ATP6AP1: variants seen among roughly 807,000 people sequenced by gnomAD.
The protein encoded by ATP6AP1 is ATPase H+ transporting accessory protein 1, also known as V-type proton ATPase subunit S1.
Under a neutral mutation model 32.0 loss-of-function variants are expected in ATP6AP1, and 1 was observed. The ratio of observed to expected loss-of-function variants is 0.03; its 90% CI spans 0.01 to 0.15. ATP6AP1 has a LOEUF of 0.15. Ranked by LOEUF, ATP6AP1 falls within the 10% of genes least tolerant of loss-of-function variation. The pLI, the probability that ATP6AP1 is intolerant of heterozygous loss-of-function variation, is 1.00. For synonymous variants in ATP6AP1, 187 were observed against 174.9 expected, an observed-to-expected ratio of 1.07 and a Z score of -0.55; for missense variants, 297 against 398.8, an observed-to-expected ratio of 0.74 and a Z score of 2.17.
intron 2 of ATP6AP1, 122 bp from the exon 3 acceptor site, chrX:154,431,708 T>G (rs977782930): frequency 5.7e-5 from 33 of 578,796 alleles, no homozygotes; most frequent in Admixed American, 2.8e-4. Context: ...TCCACCATAC[T>G]GAACCTGACT....
chrX:154,431,918 C>T lies in ATP6AP1; in HGVS notation c.363+14C>T, dbSNP rs1557196843. 8.3e-7 allele frequency: 1 copy of T among 1,206,526 alleles called. No homozygotes were observed. Among genetic ancestry groups the T allele is most frequent in the Admixed American group, 2.2e-5 (1 of 46,006 alleles). On this transcript the variant is annotated intron_variant, in intron 3 of 9. Coordinates refer to ENST00000369762, the MANE Select transcript of ATP6AP1 (RefSeq NM_001183.6). Reference sequence around the variant, plus strand: ...TCTAACCTAGAGGTGAGAGTCCTCTCCCAGCCAGGGGCCATGGGGGACATT... The same window carrying T: ...TCTAACCTAGAGGTGAGAGTCCTCTTCCAGCCAGGGGCCATGGGGGACATT...
chrX:154,433,154 G>A (rs1317323275), intron 5 of ATP6AP1, among the ~76,000 whole-genome samples, 183 bp downstream of exon 5: 1 of 111,912 alleles, frequency 8.9e-6, no homozygotes, highest in African/African-American at 3.2e-5. Flanking sequence ...CCTGACAGAA[G>A]ACCCTGTCCA....
At chrX:154,431,251 A>G (rs1347255454) in intron 2 of ATP6AP1, 1 of 113,059 alleles carries the variant, frequency 8.8e-6, no homozygotes, top group Non-Finnish European at 1.8e-5. Context: ...GGGTAGGAGC[A>G]AAAGGACAAA....
chrX:154,428,824 G>C lies in ATP6AP1; in HGVS notation c.132G>C (p.Gln44His). The C allele has an allele frequency of 9.0e-7, 1 of 1,108,452 alleles. No homozygotes were observed. The highest frequency in any genetic ancestry group is 1.2e-6 in the Non-Finnish European group (1 of 852,900). The allele number at this position is 1,108,452 out of a possible 1,213,427, so 91.3% of individuals were successfully genotyped here. Residue 44 changes from glutamine (Q) to histidine (H), a missense_variant, in exon 1 of 10, where the codon CAG becomes CAC. Transcript: ENST00000369762. Reference sequence around the variant, plus strand: ...CGGCGGCGGCAGCGGCGGAGCAGCAGGTCCCGCTGGTGCTGTGGTCGAGTG... The same window carrying C: ...CGGCGGCGGCAGCGGCGGAGCAGCACGTCCCGCTGGTGCTGTGGTCGAGTG... ...AAAAAAAAEQ[Q>H]VPLVLWSSDR...
rs782542159 is a variant in ATP6AP1 at position 154,429,135 on chromosome X, G to C, written c.249G>C (p.Glu83Asp). ...CTACCTACTTAGATCCCGCCCTGGA[G>C]CTGGGTCCCAGGAATGTGCTGCTGT... Reference protein sequence around the residue: ...QLSTYLDPALELGPRNVLLFL... With the variant: ...QLSTYLDPALDLGPRNVLLFL... The change falls in exon 2 of 10, where the codon GAG becomes GAC. Residue 83 changes from glutamate (E) to aspartate (D), a missense_variant. Glu to Asp is a conservative substitution (Grantham distance 45, BLOSUM62 2). Around this residue, in one of 2 missense-constraint regions of ATP6AP1, gnomAD observed 142 missense variants for 145.0 expected, o/e 0.98. Transcript: ENST00000369762. The C allele has an allele frequency of 8.3e-7, 1 of 1,211,806 alleles. No homozygotes were observed. The highest frequency in any genetic ancestry group is 2.2e-5 in the Admixed American group (1 of 46,072).
intron 1 of ATP6AP1, 68 bp downstream of exon 1, chrX:154,428,921 A>G (rs1557196320): frequency 9.0e-7 from 1 of 1,109,383 alleles, no homozygotes; most frequent in African/African-American, 1.9e-5. Flanking sequence ...GCGCTGTCCT[A>G]GGCGAGGGGT....
At position 154,435,471 on chromosome X, in the gene ATP6AP1, C is replaced by T. The variant is rs782286220; in HGVS notation, c.1169C>T (p.Pro390Leu). 9.9e-6 allele frequency: 12 copies of T among 1,210,494 alleles called. No homozygotes were observed. In the South Asian group the frequency reaches 1.6e-4, roughly 16 times the overall value. The change falls in exon 9 of 10, where the codon CCC (proline) becomes CTC (leucine). Residue 390 changes from proline (P) to leucine (L), a missense_variant. Physicochemically the swap from Pro to Leu is moderately conservative, Grantham distance 98. This residue lies in a region of ATP6AP1 where 155 missense variants were observed against 253.8 expected (regional missense o/e 0.61). Coordinates refer to ENST00000369762, the MANE Select transcript of ATP6AP1 (RefSeq NM_001183.6). ...AGTCTCCTCGTGGCCCGCACGCAGC[C>T]CTCTCCCTGGCAGATGATGCTTCAG... is the stretch of plus-strand genomic sequence containing the variant. ...KGSLLVARTQPSPWQMMLQDF... is the reference protein window; with the variant it reads ...KGSLLVARTQLSPWQMMLQDF...
At chrX:154,430,539 A>G (rs1220497316) in intron 2 of ATP6AP1, 1 of 112,191 alleles carries the variant, frequency 8.9e-6, no homozygotes, top group Non-Finnish European at 1.9e-5. Flanking sequence ...AGGTATTGTG[A>G]AGTGTTGGGG....
chrX:154,434,530 G>A (rs2068709542), intron 7 of ATP6AP1, 84 bp downstream of exon 7: 3 of 984,269 alleles, frequency 3.0e-6, no homozygotes, highest in African/African-American at 1.9e-5. Context: ...AGGGAGCCAG[G>A]GTCAGGTCTG....
At chrX:154,432,719 C>T (rs2068700546) in intron 4 of ATP6AP1, among the ~76,000 whole-genome samples, 1 of 112,091 alleles carries the variant, frequency 8.9e-6, no homozygotes, top group Non-Finnish European at 1.9e-5. Context: ...TCTCACCTAG[C>T]CAGGCCCTTG....
intron 9 of ATP6AP1, 73 bp from the exon 10 acceptor site, chrX:154,435,609 T>C: frequency 2.6e-6 from 3 of 1,173,002 alleles, no homozygotes; most frequent in Non-Finnish European, 3.5e-6. Flanking sequence ...GTCCTGTCCC[T>C]GCGCTGCCCC....
At chrX:154,429,246 C>T (rs1159890461) in intron 2 of ATP6AP1, 72 bp downstream of exon 2, 5 of 1,136,074 alleles carry the variant, frequency 4.4e-6, no homozygotes, top group Admixed American at 4.6e-5. Context: ...ATGACACTGA[C>T]GCCCATTCCC....
chrX:154,432,209 T>G, intron 3 of ATP6AP1, 57 bp from the exon 4 acceptor site: 1 of 1,066,978 alleles, frequency 9.4e-7, no homozygotes, highest in Non-Finnish European at 1.3e-6. Context: ...TGTGGGGGGC[T>G]GGGCCAGGCC....
At position 154,432,403 on chromosome X, in the gene ATP6AP1, G is replaced by A. The variant is rs782494188; in HGVS notation, c.501G>A (p.Leu167=). 13 of 1,205,662 alleles carry A rather than the reference G, an allele frequency of 1.1e-5. No individual in the cohort carries two copies. In the South Asian group the frequency reaches 2.3e-4, roughly 21 times the overall value. ...TGGACCTGGCCACCCTGCGGGAGCT[G>A]AAGCTCAATGCCAGCCTCCCTGCTC... ...LHVDLATLRE[L]KLNASLPALL... Residue 167 remains leucine (L), a synonymous_variant, in exon 4 of 10, where the codon CTG becomes CTA. Transcript: ENST00000369762.
chrX:154,435,050 G>T (rs782138616), intron 7 of ATP6AP1, 89 bp from the exon 8 acceptor site: 4 of 1,050,137 alleles, frequency 3.8e-6, no homozygotes, highest in Non-Finnish European at 3.9e-6. Context: ...AGGCAGCTTA[G>T]GTAGGAGCAG....
intron 7 of ATP6AP1, 108 bp downstream of exon 7, chrX:154,434,554 G>T: frequency 1.3e-6 from 1 of 787,279 alleles, no homozygotes; most frequent in Non-Finnish European, 1.9e-6. Flanking sequence ...TTTGGGGTGG[G>T]GATGGCCATG....
chrX:154,435,611 C>T (rs782048010), intron 9 of ATP6AP1, 71 bp from the exon 10 acceptor site: 19 of 1,171,282 alleles, frequency 1.6e-5, no homozygotes, highest in South Asian at 1.1e-4. Flanking sequence ...CCTGTCCCTG[C>T]GCTGCCCCTG....
chrX:154,431,879 A>G lies in ATP6AP1; in HGVS notation c.338A>G (p.Gln113Arg). Reference sequence around the variant, plus strand: ...TATGGCGGTGTGTTTGGAAACAAGCAGGACAGCGCCTTTTCTAACCTAGAG... The same window carrying G: ...TATGGCGGTGTGTTTGGAAACAAGCGGGACAGCGCCTTTTCTAACCTAGAG... ...TAYGGVFGNKQDSAFSNLENA... is the reference protein window; with the variant it reads ...TAYGGVFGNKRDSAFSNLENA... The change falls in exon 3 of 10, where the codon CAG becomes CGG. Residue 113 changes from glutamine (Q) to arginine (R), a missense_variant. Gln to Arg is a conservative substitution (Grantham distance 43). This residue lies in a region of ATP6AP1 where 142 missense variants were observed against 145.0 expected (regional missense o/e 0.98). Coordinates refer to ENST00000369762, the MANE Select transcript of ATP6AP1 (RefSeq NM_001183.6). 2.5e-6 allele frequency: 3 copies of G among 1,211,894 alleles called. No homozygotes were observed. The highest frequency in any genetic ancestry group is 3.4e-6 in the Non-Finnish European group (3 of 895,519).
In ATP6AP1 at chrX:154,432,472, T is replaced by G. The variant is rs1557196993; in HGVS notation, c.557+13T>G. On this transcript the variant is annotated intron_variant, in intron 4 of 9. Transcript: ENST00000369762. ...CCTACACAGCCAGGTACTGCCCGCA[T>G]GGCCCAGCCACCAGCCTCGGGGCCC... is the stretch of plus-strand genomic sequence containing the variant. 1.7e-6 allele frequency: 2 copies of G among 1,162,326 alleles called. No individual in the cohort carries two copies.
Sources: gnomAD v4.1 joint callset for allele counts (sites outside exome capture counted in the v4.1 genomes callset) on GRCh38, gnomAD v4.1.1 for gene constraint, gnomAD v4.1.1 regional missense constraint, MANE v1.5 for transcripts, NCBI Gene and HGNC (gene_info 2026-07-23, HGNC 2026-07-21) for gene names.